Variants in IGF1R observed in about 807,000 individuals in gnomAD.
IGF1R encodes the protein insulin like growth factor 1 receptor, also known as insulin-like growth factor 1 receptor.
In IGF1R, 44 loss-of-function variants were observed where a neutral mutation model predicts 144.6. That is an observed-to-expected ratio of 0.30 (90% CI 0.24 to 0.39). The LOEUF is 0.39. Ranked by LOEUF, IGF1R falls within the 10% of genes least tolerant of loss-of-function variation. The probability of loss-of-function intolerance (pLI) is 1.00; values close to 1 mark genes in which losing one functional copy is unlikely to be tolerated. For synonymous variants in IGF1R, 795 were observed against 722.8 expected (o/e 1.10, Z -1.60); for missense variants, 1,355 against 1,833.7 (o/e 0.74, Z 4.77).
intron 2 of IGF1R, among the ~76,000 whole-genome samples, chr15:98,821,294 T>C (rs891805156): frequency 1.4e-5 from 2 of 147,544 alleles, no homozygotes; most frequent in African/African-American, 2.6e-5. Flanking sequence ...CCCCCCCCCC[T>C]TTTTAAACTG....
chr15:98,667,459 G>C (rs1461818726), intron 1 of IGF1R, among the ~76,000 whole-genome samples: 4 of 152,316 alleles, frequency 2.6e-5, no homozygotes, highest in East Asian at 1.9e-4. Flanking sequence ...AGGGCTAGAG[G>C]CTTCGCCTTA....
chr15:98,940,023 G>C (rs969090872), intron 18 of IGF1R, among the ~76,000 whole-genome samples: 4 of 152,190 alleles, frequency 2.6e-5, no homozygotes, highest in African/African-American at 4.8e-5. Flanking sequence ...CCAGAAAAAA[G>C]GGTTGGATTG....
Position 98,697,135 on chromosome 15 carries a change from A to G in IGF1R, c.95-10427A>G, listed in dbSNP as rs150164159. Among the ~76,000 whole-genome samples, 994 of 152,296 alleles carry G rather than the reference A, an allele frequency of 6.5e-3. 10 individuals carry two copies. Among genetic ancestry groups the G allele is most frequent in the African/African-American group, 0.022 (927 of 41,558 alleles). ...AGGGAAGGCAGGGGCTTGCTGGGACAGGCTGGAGCCGTGATGGACCCTCAT... is the reference window on the plus strand; with the variant it reads ...AGGGAAGGCAGGGGCTTGCTGGGACGGGCTGGAGCCGTGATGGACCCTCAT... On this transcript the variant is annotated intron_variant, in intron 1 of 20. Coordinates refer to ENST00000650285, the MANE Select transcript of IGF1R (RefSeq NM_000875.5).
chr15:98,708,115 T>C lies in IGF1R; in HGVS notation c.640+8T>C. 2 of 1,607,704 alleles carry C rather than the reference T, an allele frequency of 1.2e-6. No homozygotes were observed. Among genetic ancestry groups the C allele is most frequent in the Non-Finnish European group, 1.7e-6 (2 of 1,175,556 alleles). ...CAAACCGCTGCCAGAAAAGTAAGAA[T>C]GATGCTGACTGCTGCTTTCTCTCTG... On this transcript the variant is annotated splice_region_variant and intron_variant, in intron 2 of 20. Transcript: ENST00000650285.
intron 2 of IGF1R, among the ~76,000 whole-genome samples, chr15:98,869,398 A>C (rs987738625): frequency 6.6e-6 from 1 of 151,320 alleles, no homozygotes; most frequent in Non-Finnish European, 1.5e-5. Context: ...ATGAGAAGGA[A>C]GATTATTCTT....
At chr15:98,905,635 A>G (rs2014695238) in intron 5 of IGF1R, among the ~76,000 whole-genome samples, 1 of 151,910 alleles carries the variant, frequency 6.6e-6, no homozygotes, top group African/African-American at 2.4e-5. Context: ...CTGCACCCCA[A>G]CCTGGATTAC....
At chr15:98,758,592 C>G (rs2055216512) in intron 2 of IGF1R, among the ~76,000 whole-genome samples, 1 of 152,226 alleles carries the variant, frequency 6.6e-6, no homozygotes, top group Non-Finnish European at 1.5e-5. Flanking sequence ...GCCCCCCTTC[C>G]CTCTGGTTTC....
intron 6 of IGF1R, among the ~76,000 whole-genome samples, chr15:98,910,253 T>C (rs1053583415): frequency 2.6e-5 from 4 of 152,212 alleles, no homozygotes; most frequent in Non-Finnish European, 4.4e-5. Context: ...GTTCAGATCA[T>C]AGTAAAATCG....
At position 98,899,460 on chromosome 15, in the gene IGF1R, A is replaced by G. The variant is rs3743257; in HGVS notation, c.1103-17A>G. The G allele has an allele frequency of 5.2e-4, 846 of 1,613,614 alleles. 9 individuals carry two copies. The East Asian group carries it at 0.014, about 26-fold the overall frequency. ...CACCAAGTGAGCACACAGTGACACAATCCCCTTTCAATGTAGATAACATTG... is the reference window on the plus strand; with the variant it reads ...CACCAAGTGAGCACACAGTGACACAGTCCCCTTTCAATGTAGATAACATTG... On this transcript the variant is annotated splice_polypyrimidine_tract_variant and intron_variant, in intron 4 of 20. Coordinates refer to ENST00000650285, the MANE Select transcript of IGF1R (RefSeq NM_000875.5).
At chr15:98,831,992 G>A (rs192104818) in intron 2 of IGF1R, among the ~76,000 whole-genome samples, 1 of 152,082 alleles carries the variant, frequency 6.6e-6, no homozygotes, top group East Asian at 1.9e-4. Flanking sequence ...GATGAGGAAG[G>A]GGGGTCAGGG....
At chr15:98,768,506 T>G (rs1372569704) in intron 2 of IGF1R, among the ~76,000 whole-genome samples, 1 of 151,026 alleles carries the variant, frequency 6.6e-6, no homozygotes, top group Non-Finnish European at 1.5e-5. Flanking sequence ...TTTCAGCTAC[T>G]TGGGAGGCTG....
intron 2 of IGF1R, among the ~76,000 whole-genome samples, chr15:98,882,642 G>C (rs2013438085): frequency 6.6e-6 from 1 of 152,202 alleles, no homozygotes; most frequent in South Asian, 2.1e-4. Context: ...ACCTCAGAGG[G>C]ATGGGAATGT....
intron 15 of IGF1R, among the ~76,000 whole-genome samples, chr15:98,931,860 G>C (rs1389737482): frequency 1.3e-5 from 2 of 152,148 alleles, no homozygotes; most frequent in Non-Finnish European, 2.9e-5. Flanking sequence ...TTAAAATCCA[G>C]CAAGAAGATA....
chr15:98,910,793 G>A (rs148099875), intron 6 of IGF1R, among the ~76,000 whole-genome samples: 172 of 152,342 alleles, frequency 1.1e-3, no homozygotes, highest in Non-Finnish European at 2.0e-3. Context: ...TGTCCTTCCA[G>A]TTTGATACCA....
At chr15:98,785,577 T>C (rs958680819) in intron 2 of IGF1R, among the ~76,000 whole-genome samples, 1 of 152,214 alleles carries the variant, frequency 6.6e-6, no homozygotes, top group South Asian at 2.1e-4. Flanking sequence ...CAGAGGACTT[T>C]AGCCCCAAAG....
intron 2 of IGF1R, among the ~76,000 whole-genome samples, chr15:98,791,375 A>G (rs932005390): frequency 2.6e-5 from 4 of 152,224 alleles, no homozygotes; most frequent in African/African-American, 9.6e-5. Context: ...TATTACATGT[A>G]TTAAGGAGTT....
chr15:98,863,450 T>A (rs909941730), intron 2 of IGF1R, among the ~76,000 whole-genome samples: 5 of 152,240 alleles, frequency 3.3e-5, no homozygotes, highest in African/African-American at 9.6e-5. Context: ...CACCCACTAA[T>A]TTTAACATCC....
chr15:98,766,240 A>G (rs1378690059), intron 2 of IGF1R, among the ~76,000 whole-genome samples: 1 of 152,226 alleles, frequency 6.6e-6, no homozygotes, highest in Non-Finnish European at 1.5e-5. Flanking sequence ...AAATTCAGTA[A>G]TAATAAACTG....
At chr15:98,828,559 A>G (rs1000502761) in intron 2 of IGF1R, among the ~76,000 whole-genome samples, 1 of 152,306 alleles carries the variant, frequency 6.6e-6, no homozygotes, top group Admixed American at 6.5e-5. Context: ...GAATGTTTTC[A>G]GAGGAGCGCA....
Sources: gnomAD v4.1 joint callset for allele counts (sites outside exome capture counted in the v4.1 genomes callset) on GRCh38, gnomAD v4.1.1 for gene constraint, MANE v1.5 for transcripts, NCBI Gene and HGNC (gene_info 2026-07-23, HGNC 2026-07-21) for gene names.